PXYLP1: variants seen among roughly 807,000 people sequenced by gnomAD.
PXYLP1 encodes the protein 2-phosphoxylose phosphatase 1, also known as acid phosphatase-like 2.
PXYLP1 carries 17 observed loss-of-function variants against 37.9 expected under a neutral mutation model. The ratio of observed to expected loss-of-function variants is 0.45; its 90% confidence interval spans 0.31 to 0.67. The LOEUF (loss-of-function observed/expected upper bound fraction) is 0.67, where lower values mean the gene tolerates loss of function less well. Ranked by LOEUF, PXYLP1 falls within the 30% of genes least tolerant of loss-of-function variation. The pLI is 0.07. For missense variants in PXYLP1, 511 were observed against 612.0 expected, an observed-to-expected ratio of 0.84 and a Z score of 1.74; for synonymous variants, 221 against 232.2, an observed-to-expected ratio of 0.95 and a Z score of 0.44.
intron 3 of PXYLP1, 36 bp from the exon 4 acceptor site, chr3:141,279,342 T>G (rs199822582): frequency 6.2e-7 from 1 of 1,613,042 alleles, no homozygotes; most frequent in Middle Eastern, 1.7e-4. Flanking sequence ...TGACACCTAT[T>G]GAGTGATAAC....
At chr3:141,242,216 C>T (rs1192852972) in intron 1 of PXYLP1, among the ~76,000 whole-genome samples, 2 of 152,144 alleles carry the variant, frequency 1.3e-5, no homozygotes, top group East Asian at 1.9e-4. Flanking sequence ...TACATGCCCT[C>T]GAGGACACAT....
intron 2 of PXYLP1, among the ~76,000 whole-genome samples, 182 bp from the exon 3 acceptor site, chr3:141,278,160 A>G (rs1346817500): frequency 6.6e-6 from 1 of 152,186 alleles, no homozygotes; most frequent in African/African-American, 2.4e-5. Flanking sequence ...ACGAAGGGGC[A>G]GGACACAGTG....
At chr3:141,274,749 C>T (rs887753439) in intron 2 of PXYLP1, 11 of 677,516 alleles carry the variant, frequency 1.6e-5, no homozygotes, top group African/African-American at 5.3e-5. Flanking sequence ...CTTGCATATA[C>T]TATGCTGTGA....
At chr3:141,287,222 C>A in intron 4 of PXYLP1, 92 bp from the exon 5 acceptor site, 2 of 1,399,930 alleles carry the variant, frequency 1.4e-6, no homozygotes, top group Non-Finnish European at 9.9e-7. Context: ...CAAAAGGCTG[C>A]GATACACGTG....
At chr3:141,258,365 T>TG (rs965799816) in intron 1 of PXYLP1, 2 of 152,386 alleles carry the variant, frequency 1.3e-5, no homozygotes, top group East Asian at 1.9e-4. Flanking sequence ...TAGTGACTCA[T>TG]GGGACAGAAG....
chr3:141,252,501 G>A (rs1005496405), intron 1 of PXYLP1, among the ~76,000 whole-genome samples: 1 of 152,092 alleles, frequency 6.6e-6, no homozygotes, highest in Non-Finnish European at 1.5e-5. Flanking sequence ...GAAAGAGGAG[G>A]TCCCAGGCTC....
chr3:141,292,896 T>C lies in PXYLP1; in HGVS notation c.1134T>C (p.His378=), dbSNP rs1239130053. The change falls in exon 6 of 6, where the codon CAT becomes CAC. Residue 378 remains histidine (H), a synonymous_variant. Transcript: ENST00000286353. The surrounding 1 kb of genome is among the most constrained non-coding windows in gnomAD (Gnocchi z 4.3). ...KEELFALYSA[H]DVTLSPVLSA... ...AGCTCTTTGCCCTCTACTCTGCTCA[T>C]GATGTCACTCTGTCACCAGTTCTCA... 1 of 1,614,052 alleles carries C rather than the reference T, an allele frequency of 6.2e-7. No homozygotes were observed. Among genetic ancestry groups the C allele is most frequent in the Non-Finnish European group, 8.5e-7 (1 of 1,180,040 alleles).
intron 1 of PXYLP1, among the ~76,000 whole-genome samples, chr3:141,248,783 GTA>G (rs202164306): frequency 4.1e-4 from 7 of 16,876 alleles, no homozygotes; most frequent in Admixed American, 1.3e-3. Context: ...ATATACACAC[GTA>G]TATATATACA....
rs947086910 is a variant in PXYLP1 at position 141,293,559 on chromosome 3, C to T, written c.*354C>T. 2.0e-5 allele frequency: 4 copies of T among 200,444 alleles called. No homozygotes were observed. In the East Asian group the frequency reaches 5.0e-4, roughly 25 times the overall value. 12.4% of individuals were successfully genotyped at this position (200,444 alleles called of 1,614,324 possible). A position where few individuals can be genotyped will look rare whatever the true frequency, so the allele number is the denominator to read the frequency against. ...ATGTGATGGAACCAGCACACCTCAA[C>T]CAAAATTTTTTTAATCTTAGACATT... is the stretch of plus-strand genomic sequence containing the variant. On this transcript the variant is annotated 3_prime_UTR_variant, in exon 6 of 6. Transcript: ENST00000286353.
intron 1 of PXYLP1, among the ~76,000 whole-genome samples, chr3:141,251,154 T>A (rs151162007): frequency 1.2e-3 from 178 of 152,296 alleles, no homozygotes; most frequent in African/African-American, 4.1e-3. Flanking sequence ...TAAACAGAAG[T>A]GAAATAACAA....
At chr3:141,268,646 AGGAGACAAGG>A (rs750839387) in intron 2 of PXYLP1, among the ~76,000 whole-genome samples, 8 of 152,198 alleles carry the variant, frequency 5.3e-5, no homozygotes, top group Non-Finnish European at 1.2e-4. Context: ...GATCTAAAAG[AGGAGACAAGG>A]GCAGAATCTG....
chr3:141,236,097 A>G (rs1057449414), intron 1 of PXYLP1, among the ~76,000 whole-genome samples: 1 of 152,204 alleles, frequency 6.6e-6, no homozygotes, highest in African/African-American at 2.4e-5. Context: ...GCCCACAGTC[A>G]TCTGTGCATG....
At chr3:141,263,278 A>T (rs1941434226) in intron 2 of PXYLP1, among the ~76,000 whole-genome samples, 1 of 152,252 alleles carries the variant, frequency 6.6e-6, no homozygotes, top group Non-Finnish European at 1.5e-5. Flanking sequence ...AAAGATTAAG[A>T]TACTGTTCAC....
chr3:141,260,696 G>A (rs1408964481), intron 2 of PXYLP1, among the ~76,000 whole-genome samples: 2 of 152,204 alleles, frequency 1.3e-5, no homozygotes, highest in Non-Finnish European at 2.9e-5. Context: ...CAGGCAGCAG[G>A]GGCTGCATGG....
chr3:141,276,998 T>C (rs1941810662), intron 2 of PXYLP1, among the ~76,000 whole-genome samples: 1 of 152,218 alleles, frequency 6.6e-6, no homozygotes, highest in Non-Finnish European at 1.5e-5. Context: ...TGGCCATTGG[T>C]ATTTATTTTT....
intron 1 of PXYLP1, among the ~76,000 whole-genome samples, chr3:141,242,321 C>T (rs973456636): frequency 2.6e-5 from 4 of 152,090 alleles, no homozygotes; most frequent in South Asian, 2.1e-4. Context: ...CCATGGGGCC[C>T]GCTGGAGGCT....
At chr3:141,279,175 G>T (rs1941881238) in intron 3 of PXYLP1, among the ~76,000 whole-genome samples, 1 of 152,126 alleles carries the variant, frequency 6.6e-6, no homozygotes, top group Non-Finnish European at 1.5e-5. Flanking sequence ...CCTCTGTCCC[G>T]CCTTGTAAGA....
chr3:141,250,676 T>C (rs1287086766), intron 1 of PXYLP1, among the ~76,000 whole-genome samples: 1 of 152,222 alleles, frequency 6.6e-6, no homozygotes, highest in African/African-American at 2.4e-5. Context: ...TGGCTGAGTA[T>C]GGCTGTGATG....
intron 1 of PXYLP1, among the ~76,000 whole-genome samples, chr3:141,251,620 C>T (rs1368478054): frequency 6.6e-6 from 1 of 152,156 alleles, no homozygotes; most frequent in Non-Finnish European, 1.5e-5. Context: ...TGAAGAAGAA[C>T]GTGACAAGGA....
Sources: gnomAD v4.1 joint callset for allele counts (sites outside exome capture counted in the v4.1 genomes callset) on GRCh38, gnomAD v4.1.1 for gene constraint, Gnocchi (gnomAD v3.1) non-coding constraint, MANE v1.5 for transcripts, NCBI Gene and HGNC (gene_info 2026-07-23, HGNC 2026-07-21) for gene names.